The following USP6NL variants were observed in gnomAD, a reference collection of about 807,000 sequenced individuals.
USP6NL encodes the protein USP6 N-terminal-like protein.
Under a neutral mutation model 61.9 loss-of-function variants are expected in USP6NL, and 26 were observed. The observed-to-expected ratio is 0.42, with a 90% confidence interval of 0.31 to 0.58. The LOEUF (loss-of-function observed/expected upper bound fraction) is 0.58. USP6NL is among the 20% of genes least tolerant of loss of function. The pLI, the probability that USP6NL is intolerant of heterozygous loss-of-function variation, is 0.16. For synonymous variants in USP6NL, 432 were observed against 390.1 expected, an observed-to-expected ratio of 1.11 and a Z score of -1.27; for missense variants, 1,114 against 1,034.3, an observed-to-expected ratio of 1.08 and a Z score of -1.06.
rs1835170676 is a variant in USP6NL at position 11,520,706 on chromosome 10, A to G, written c.156-2132T>C. Reference sequence around the variant, plus strand: ...ATGGTGCATAGGCCAAATCTGGCCCACTGTGCATTTTTGTAACGTTTTAAT... The same window carrying G: ...ATGGTGCATAGGCCAAATCTGGCCCGCTGTGCATTTTTGTAACGTTTTAAT... On this transcript the variant is annotated intron_variant, in intron 4 of 14. Coordinates refer to ENST00000609104, the MANE Select transcript of USP6NL (RefSeq NM_014688.5). The surrounding 1 kb of genome is among the most constrained non-coding windows in gnomAD (Gnocchi z 5.2). Among the ~76,000 whole-genome samples, 1 of 152,240 alleles carries G rather than the reference A, an allele frequency of 6.6e-6. No individual in the cohort carries two copies. The highest frequency in any genetic ancestry group is 6.5e-5 in the Admixed American group (1 of 15,290).
At chr10:11,578,287 C>T (rs1837624277) in intron 2 of USP6NL, among the ~76,000 whole-genome samples, 1 of 152,174 alleles carries the variant, frequency 6.6e-6, no homozygotes, top group African/African-American at 2.4e-5. Flanking sequence ...AATTTATGAA[C>T]AATTCATTTC....
chr10:11,609,462 A>T (rs973229522), intron 1 of USP6NL, among the ~76,000 whole-genome samples: 2 of 46,624 alleles, frequency 4.3e-5, no homozygotes, highest in East Asian at 4.9e-4. Context: ...AAGAATGGTT[A>T]AAAAAAATCG....
At chr10:11,555,319 G>A (rs528348167) in intron 2 of USP6NL, among the ~76,000 whole-genome samples, 3 of 146,970 alleles carry the variant, frequency 2.0e-5, no homozygotes, top group African/African-American at 7.5e-5. Flanking sequence ...GAAGGCTGAG[G>A]CAGAAGAATA....
At chr10:11,583,502 A>G (rs916908980) in intron 2 of USP6NL, among the ~76,000 whole-genome samples, 1 of 151,944 alleles carries the variant, frequency 6.6e-6, no homozygotes, top group African/African-American at 2.4e-5. Flanking sequence ...CTACATTTTC[A>G]ATTTTTTAAG....
At position 11,591,119 on chromosome 10, in the gene USP6NL, C is replaced by A. The variant is rs909226314; in HGVS notation, c.4+6512G>T. On this transcript the variant is annotated intron_variant, in intron 2 of 14. Transcript: ENST00000609104. This position sits in a 1 kb window ranked among gnomAD's most constrained non-coding sequence, Gnocchi z 4.7. ...AAGTCAAGCCACTTGCCATACATAA[C>A]GTGGCTACCAGCAGCAAAGCCAGGG... Among the ~76,000 whole-genome samples, 2 of 152,104 alleles carry A rather than the reference C, an allele frequency of 1.3e-5. No individual in the cohort carries two copies. Among genetic ancestry groups the A allele is most frequent in the African/African-American group, 4.8e-5 (2 of 41,418 alleles).
chr10:11,560,714 T>TATA (rs138095176), intron 2 of USP6NL, among the ~76,000 whole-genome samples: 12 of 141,310 alleles, frequency 8.5e-5, no homozygotes, highest in East Asian at 4.1e-4. Context: ...TATATATATA[T>TATA]TATATATATA....
At position 11,597,979 on chromosome 10, in the gene USP6NL, G is replaced by A. The variant is rs1409056277; in HGVS notation, c.-83-262C>T. On this transcript the variant is annotated intron_variant, in intron 1 of 14. Transcript: ENST00000609104. The surrounding 1 kb of genome is among the most constrained non-coding windows in gnomAD (Gnocchi z 4.6). ...TCACCACATAGAAACTTACTAACAG[G>A]TGTCCTTCGTCTTCAACACTAAAAA... 1.3e-5 allele frequency among the ~76,000 whole-genome samples: 2 copies of A among 152,136 alleles called. No individual in the cohort carries two copies. The highest frequency in any genetic ancestry group is 2.9e-5 in the Non-Finnish European group (2 of 68,024).
chr10:11,484,953 G>T lies in USP6NL; in HGVS notation c.925+18C>A. ...CTCAATTTTTAATGAAATTTTAAGA[G>T]TTTAAGCATTTTCTTACTTTTGTGT... is the stretch of plus-strand genomic sequence containing the variant. On this transcript the variant is annotated intron_variant, in intron 13 of 14. Transcript: ENST00000609104. The T allele has an allele frequency of 6.7e-7, 1 of 1,501,304 alleles. No homozygotes were observed. Among genetic ancestry groups the T allele is most frequent in the Non-Finnish European group, 8.9e-7 (1 of 1,124,034 alleles). The allele number at this position is 1,501,304 out of a possible 1,614,324, so 93.0% of individuals were successfully genotyped here.
At chr10:11,508,667 G>T (rs191271002) in intron 6 of USP6NL, among the ~76,000 whole-genome samples, 27 of 152,288 alleles carry the variant, frequency 1.8e-4, no homozygotes, top group Admixed American at 1.5e-3. Flanking sequence ...CTTGACAGAG[G>T]TCTTATTAAC....
chr10:11,588,831 G>A (rs762438299), intron 2 of USP6NL, among the ~76,000 whole-genome samples: 4 of 152,126 alleles, frequency 2.6e-5, no homozygotes, highest in Admixed American at 6.5e-5. Context: ...TAAGCACAGA[G>A]ATACTGCTAA....
intron 5 of USP6NL, among the ~76,000 whole-genome samples, chr10:11,517,231 TAGTC>T (rs1192609052): frequency 1.3e-5 from 2 of 152,368 alleles, no homozygotes; most frequent in South Asian, 2.1e-4. Flanking sequence ...AGAGAGATCA[TAGTC>T]AGAGTGTGAG....
intron 5 of USP6NL, among the ~76,000 whole-genome samples, chr10:11,515,721 AAC>A (rs1201679692): frequency 1.3e-5 from 2 of 152,170 alleles, no homozygotes; most frequent in Non-Finnish European, 2.9e-5. Flanking sequence ...TCCCTATCTT[AAC>A]AGTTTGTTTT....
rs1838356760 is a variant in USP6NL, at chr10:11,597,101, G to A, written c.4+530C>T. ...CTTGTTCACAAGCAGAAGTATATAG[G>A]AATAGAGAGAAAATATTACATATAC... On this transcript the variant is annotated intron_variant, in intron 2 of 14. Transcript: ENST00000609104. The surrounding 1 kb of genome is among the most constrained non-coding windows in gnomAD (Gnocchi z 4.6). 6.6e-6 allele frequency among the ~76,000 whole-genome samples: 1 copy of A among 151,956 alleles called. No individual in the cohort carries two copies. The highest frequency in any genetic ancestry group is 6.6e-5 in the Admixed American group (1 of 15,264).
rs1832571928 is a variant in USP6NL at position 11,468,449 on chromosome 10, A to G, written c.1079-4600T>C. Among the ~76,000 whole-genome samples the G allele has an allele frequency of 6.6e-6, 1 of 152,206 alleles. No homozygotes were observed. Among genetic ancestry groups the G allele is most frequent in the African/African-American group, 2.4e-5 (1 of 41,456 alleles). On this transcript the variant is annotated intron_variant, in intron 14 of 14. Transcript: ENST00000609104. The surrounding 1 kb of genome is among the most constrained non-coding windows in gnomAD (Gnocchi z 4.5). ...ACTGAAAACATGGAAGCGAAACACT[A>G]CTGGACTACTGCCTACACCCCTCAC... is the stretch of plus-strand genomic sequence containing the variant.
intron 2 of USP6NL, among the ~76,000 whole-genome samples, chr10:11,590,339 T>A (rs1838122118): frequency 6.6e-6 from 1 of 152,214 alleles, no homozygotes; most frequent in Non-Finnish European, 1.5e-5. Context: ...ATGAGATTTC[T>A]GTACAATGGC....
At chr10:11,571,545 C>A (rs1045547771) in intron 2 of USP6NL, among the ~76,000 whole-genome samples, 1 of 152,038 alleles carries the variant, frequency 6.6e-6, no homozygotes, top group African/African-American at 2.4e-5. Flanking sequence ...CTTCACAAAT[C>A]AATTTTTCAT....
Position 11,571,160 on chromosome 10 carries a change from C to T in USP6NL, c.4+26471G>A, listed in dbSNP as rs370031118. 1.6e-3 allele frequency among the ~76,000 whole-genome samples: 249 copies of T among 151,902 alleles called. 1 individual carries two copies. The highest frequency in any genetic ancestry group is 0.01 in the Middle Eastern group (3 of 294). On this transcript the variant is annotated intron_variant, in intron 2 of 14. Coordinates refer to ENST00000609104, the MANE Select transcript of USP6NL (RefSeq NM_014688.5). ...GTGCAATGGCGCAATCTCAGCTCAC[C>T]GCAACCTCTGCCTCCCGGGTTCAAG...
chr10:11,505,787 G>A (rs936641169), intron 6 of USP6NL, among the ~76,000 whole-genome samples: 4 of 152,184 alleles, frequency 2.6e-5, no homozygotes, highest in African/African-American at 9.7e-5. Context: ...CTGCCAGTGA[G>A]TAAACTTTTC....
At position 11,510,809 on chromosome 10, in the gene USP6NL, T is replaced by C. The variant is rs1337271641; in HGVS notation, c.196-1134A>G. 6.6e-6 allele frequency among the ~76,000 whole-genome samples: 1 copy of C among 152,244 alleles called. No individual in the cohort carries two copies. The highest frequency in any genetic ancestry group is 1.9e-4 in the East Asian group (1 of 5,202). ...AACAGGCACAAAGGGCTTAAGGGAC[T>C]TGTCCCAAGTCACCCCTCTCATAAG... On this transcript the variant is annotated intron_variant, in intron 5 of 14. Coordinates refer to ENST00000609104, the MANE Select transcript of USP6NL (RefSeq NM_014688.5). The surrounding 1 kb of genome is among the most constrained non-coding windows in gnomAD (Gnocchi z 4.8).
Sources: gnomAD v4.1 joint callset for allele counts (sites outside exome capture counted in the v4.1 genomes callset) on GRCh38, gnomAD v4.1.1 for gene constraint, Gnocchi (gnomAD v3.1) non-coding constraint, MANE v1.5 for transcripts, NCBI Gene and HGNC (gene_info 2026-07-23, HGNC 2026-07-21) for gene names.